Variants in NDST4 observed in about 807,000 individuals in gnomAD.
NDST4 encodes the protein N-heparan sulfate sulfotransferase 4.
In NDST4, 63 loss-of-function variants were observed where a neutral mutation model predicts 100.8. That is an observed-to-expected ratio of 0.62 (90% CI 0.51 to 0.77). NDST4 has a LOEUF of 0.77. NDST4 is among the 30% of genes least tolerant of loss of function. The pLI, the probability that NDST4 is intolerant of heterozygous loss-of-function variation, is 0.00. For synonymous variants in NDST4, 377 were observed against 361.8 expected, an observed-to-expected ratio of 1.04 and a Z score of -0.48; for missense variants, 943 against 1,018.4, an observed-to-expected ratio of 0.93 and a Z score of 1.01.
At chr4:114,969,524 T>C (rs185967156) in intron 4 of NDST4, among the ~76,000 whole-genome samples, 15 of 152,266 alleles carry the variant, frequency 9.9e-5, no homozygotes, top group African/African-American at 3.4e-4. Flanking sequence ...TGTCCATGTG[T>C]ACTCAGTGTT....
intron 2 of NDST4, among the ~76,000 whole-genome samples, chr4:115,038,862 G>C (rs1034080813): frequency 1.3e-5 from 2 of 152,118 alleles, no homozygotes; most frequent in African/African-American, 4.8e-5. Context: ...TGTGGTCCCA[G>C]CTGTTCAGGA....
intron 6 of NDST4, among the ~76,000 whole-genome samples, chr4:114,905,644 C>T (rs983291163): frequency 6.6e-6 from 1 of 151,724 alleles, no homozygotes; most frequent in African/African-American, 2.4e-5. Flanking sequence ...GTAAATAAAC[C>T]TTAAAATTCA....
chr4:114,835,569 G>A (rs1340217101), intron 11 of NDST4, among the ~76,000 whole-genome samples: 1 of 152,186 alleles, frequency 6.6e-6, no homozygotes, highest in African/African-American at 2.4e-5. Context: ...CATGCTGTGT[G>A]GTGTGGAGAA....
intron 1 of NDST4, among the ~76,000 whole-genome samples, chr4:115,108,900 C>A (rs933660604): frequency 2.3e-4 from 34 of 150,840 alleles, no homozygotes; most frequent in Admixed American, 2.2e-3. Flanking sequence ...TTTCCAATTA[C>A]ACAAGAGAGC....
At chr4:114,980,541 C>T (rs1017312389) in intron 2 of NDST4, among the ~76,000 whole-genome samples, 1 of 149,932 alleles carries the variant, frequency 6.7e-6, no homozygotes, top group African/African-American at 2.5e-5. Flanking sequence ...GCTCGGGAGG[C>T]TGAGTCAGGA....
At chr4:115,108,004 G>T (rs914835539) in intron 1 of NDST4, among the ~76,000 whole-genome samples, 1 of 152,006 alleles carries the variant, frequency 6.6e-6, no homozygotes, top group Non-Finnish European at 1.5e-5. Context: ...CTTTAGATAA[G>T]TTGGTAGTAT....
intron 6 of NDST4, among the ~76,000 whole-genome samples, chr4:114,909,608 C>T (rs1725022448): frequency 6.9e-6 from 1 of 144,716 alleles, no homozygotes; most frequent in South Asian, 2.2e-4. Flanking sequence ...TGCAGTGAGC[C>T]GAGATTGCGC....
intron 9 of NDST4, among the ~76,000 whole-genome samples, chr4:114,846,817 T>C (rs1578340492): frequency 6.6e-6 from 1 of 152,206 alleles, no homozygotes; most frequent in South Asian, 2.1e-4. Context: ...TTTGTTATTA[T>C]GTTTCCCAAA....
chr4:115,110,918 G>C (rs1157027415), intron 1 of NDST4, among the ~76,000 whole-genome samples: 1 of 152,006 alleles, frequency 6.6e-6, no homozygotes, highest in African/African-American at 2.4e-5. Flanking sequence ...TTAGCCTTCT[G>C]GGTGCACAGC....
At position 115,034,974 on chromosome 4, in the gene NDST4, A is replaced by G. The variant is rs78404657; in HGVS notation, c.978+41085T>C. Among the ~76,000 whole-genome samples, 520 of 152,128 alleles carry G rather than the reference A, an allele frequency of 3.4e-3. 3 individuals are homozygous for G. The highest frequency in any genetic ancestry group is 4.1e-3 in the Non-Finnish European group (277 of 67,986). The stretch of plus-strand genomic sequence containing the variant: ...AGTCAGAAGAGCCTTACAACCTGAA[A>G]GCTCATTCCACCTTCTCCATCTTCT... On this transcript the variant is annotated intron_variant, in intron 2 of 13. Coordinates refer to ENST00000264363, the MANE Select transcript of NDST4 (RefSeq NM_022569.3).
chr4:114,913,395 C>T (rs975326477), intron 6 of NDST4, among the ~76,000 whole-genome samples: 6 of 151,902 alleles, frequency 3.9e-5, no homozygotes, highest in African/African-American at 1.4e-4. Context: ...GCTTCTCAAA[C>T]TTTGGTATAT....
chr4:115,004,964 C>T (rs1205474456), intron 2 of NDST4, among the ~76,000 whole-genome samples: 1 of 152,098 alleles, frequency 6.6e-6, no homozygotes, highest in East Asian at 1.9e-4. Flanking sequence ...AGAATTTTTC[C>T]TCTAATTTTA....
chr4:114,994,571 T>G (rs2126253115), intron 2 of NDST4, among the ~76,000 whole-genome samples: 1 of 152,092 alleles, frequency 6.6e-6, no homozygotes, highest in Non-Finnish European at 1.5e-5. Flanking sequence ...GTCCCCAGGG[T>G]AAAGAAATTT....
intron 6 of NDST4, among the ~76,000 whole-genome samples, chr4:114,904,632 A>AT (rs1043673468): frequency 2.6e-5 from 4 of 151,820 alleles, no homozygotes; most frequent in South Asian, 4.1e-4. Flanking sequence ...TGTTATATGG[A>AT]TTTTTTTAGA....
intron 2 of NDST4, among the ~76,000 whole-genome samples, chr4:115,043,169 A>G (rs1337388283): frequency 4.0e-5 from 6 of 150,762 alleles, no homozygotes; most frequent in African/African-American, 1.5e-4. Flanking sequence ...TACATCAAAT[A>G]TAACTTTAAA....
rs551826728 is a variant in NDST4 at position 115,008,119 on chromosome 4, A to T, written c.979-30845T>A. ...GCTGACCACAAGAATAGTCTTAGAAATACAATACAGCACACTGATGGGTCT... is the reference window on the plus strand; with the variant it reads ...GCTGACCACAAGAATAGTCTTAGAATTACAATACAGCACACTGATGGGTCT... On this transcript the variant is annotated intron_variant, in intron 2 of 13. Transcript: ENST00000264363. Among the ~76,000 whole-genome samples the T allele has an allele frequency of 3.8e-5, 5 of 130,144 alleles. 2 individuals carry two copies. Among genetic ancestry groups the T allele is most frequent in the Middle Eastern group, 8.6e-3 (2 of 232 alleles). 85.4% of individuals were successfully genotyped at this position (130,144 alleles called of 152,430 possible).
intron 2 of NDST4, among the ~76,000 whole-genome samples, chr4:114,991,650 A>G (rs1318974590): frequency 3.9e-5 from 6 of 152,180 alleles, no homozygotes; most frequent in African/African-American, 1.4e-4. Context: ...CGAAATCTCA[A>G]TAATATCAAA....
At position 115,059,004 on chromosome 4, in the gene NDST4, C is replaced by CACACAG. The variant is rs540339968; in HGVS notation, c.978+17054_978+17055insCTGTGT. 3.4e-3 allele frequency among the ~76,000 whole-genome samples: 512 copies of CACACAG among 151,774 alleles called. 5 individuals carry two copies. The highest frequency in any genetic ancestry group is 0.012 in the African/African-American group (493 of 41,382). On this transcript the variant is annotated intron_variant, in intron 2 of 13. Coordinates refer to ENST00000264363, the MANE Select transcript of NDST4 (RefSeq NM_022569.3). ...CTACACACACACACACACACACACA[C>CACACAG]GCTCAAAATTAGATTTATTGAGGTC... is the stretch of plus-strand genomic sequence containing the variant.
At chr4:114,895,887 A>C (rs765222504) in intron 6 of NDST4, among the ~76,000 whole-genome samples, 5 of 152,168 alleles carry the variant, frequency 3.3e-5, no homozygotes, top group Non-Finnish European at 7.4e-5. Flanking sequence ...CTGGTTCAAT[A>C]TATGCAAATC....
Sources: gnomAD v4.1 joint callset for allele counts (sites outside exome capture counted in the v4.1 genomes callset) on GRCh38, gnomAD v4.1.1 for gene constraint, MANE v1.5 for transcripts, NCBI Gene and HGNC (gene_info 2026-07-23, HGNC 2026-07-21) for gene names.